HEATR5A: variants seen among roughly 807,000 people sequenced by gnomAD.
HEATR5A encodes the protein HEAT repeat containing 5A.
In HEATR5A, 178 loss-of-function variants were observed where a neutral mutation model predicts 218.8. That is an observed-to-expected ratio of 0.81 (90% CI 0.72 to 0.92). The LOEUF (loss-of-function observed/expected upper bound fraction) is 0.92. HEATR5A is among the 40% of genes least tolerant of loss of function. The pLI, the probability that HEATR5A is intolerant of heterozygous loss-of-function variation, is 0.00. For missense variants in HEATR5A, 2,420 were observed against 2,418.9 expected (o/e 1.00, Z -0.01); for synonymous variants, 864 against 871.6 (o/e 0.99, Z 0.15).
chr14:31,293,709 G>A, intron 35 of HEATR5A, 97 bp from the exon 36 acceptor site: 1 of 1,230,394 alleles, frequency 8.1e-7, no homozygotes, highest in Non-Finnish European at 1.1e-6. Flanking sequence ...CCCCACTAAA[G>A]AAAACAATTC....
intron 29 of HEATR5A, 129 bp downstream of exon 29, chr14:31,308,805 A>T: frequency 1.4e-6 from 1 of 690,454 alleles, no homozygotes; most frequent in East Asian, 2.8e-5. Context: ...TCAGTTGACA[A>T]TAATTGTGAG....
chr14:31,390,709 G>A (rs1054055578), intron 6 of HEATR5A, among the ~76,000 whole-genome samples: 2 of 152,032 alleles, frequency 1.3e-5, no homozygotes, highest in Non-Finnish European at 1.5e-5. Flanking sequence ...TGATGTTCAC[G>A]TAAACAACCC....
chr14:31,314,826 A>G (rs1327694438), intron 27 of HEATR5A, among the ~76,000 whole-genome samples: 1 of 152,186 alleles, frequency 6.6e-6, no homozygotes, highest in Non-Finnish European at 1.5e-5. Context: ...CCTTTTGTAC[A>G]TGTTGGTTAA....
intron 22 of HEATR5A, among the ~76,000 whole-genome samples, chr14:31,332,985 CAAAA>C: frequency 7.8e-6 from 1 of 128,490 alleles, no homozygotes; most frequent in Non-Finnish European, 1.6e-5. Flanking sequence ...GACTCCATCT[CAAAA>C]AAAAAAAAAA....
chr14:31,371,914 A>G lies in HEATR5A; in HGVS notation c.1862-5T>C. The G allele has an allele frequency of 6.9e-7, 1 of 1,452,986 alleles. No homozygotes were observed. Among genetic ancestry groups the G allele is most frequent in the Middle Eastern group, 1.7e-4 (1 of 5,760 alleles). The allele number at this position is 1,452,986 out of a possible 1,614,324, so 90.0% of individuals were successfully genotyped here. ...GGGAAACAAAGCTCTTGATAGCTGA[A>G]AAGGAAAACAGACTTTTACTTGGGC... On this transcript the variant is annotated splice_polypyrimidine_tract_variant and splice_region_variant and intron_variant, in intron 12 of 35. Transcript: ENST00000543095.
At position 31,306,735 on chromosome 14, in the gene HEATR5A, C is replaced by T. The variant is rs755937244; in HGVS notation, c.4963G>A (p.Glu1655Lys). ...GGCATTAAAGGTTAACATTTACCTTCTGCACTTCGTCTTTTTTCCTTCACA... is the reference window on the plus strand; with the variant it reads ...GGCATTAAAGGTTAACATTTACCTTTTGCACTTCGTCTTTTTTCCTTCACA... Reference protein sequence around the residue: ...EHVKEKRRSAEVDDGAAEKET... With the variant: ...EHVKEKRRSAKVDDGAAEKET... Residue 1655 changes from glutamate (E) to lysine (K), a missense_variant, in exon 31 of 36, where the codon GAA becomes AAA. Glu to Lys is a moderately conservative substitution (Grantham distance 56). Coordinates refer to ENST00000543095, the MANE Select transcript of HEATR5A (RefSeq NM_015473.4). 7 of 1,608,622 alleles carry T rather than the reference C, an allele frequency of 4.4e-6. No homozygotes were observed. The Admixed American group carries it at 1.2e-4, about 27-fold the overall frequency.
At position 31,309,122 on chromosome 14, in the gene HEATR5A, C is replaced by A. The variant is rs767866311; in HGVS notation, c.4502G>T (p.Trp1501Leu). The change falls in exon 29 of 36, where the codon TGG (tryptophan) becomes TTG (leucine). Residue 1501 changes from tryptophan to leucine, a missense_variant. Transcript: ENST00000543095. ...ENAKLHYYNS[W>L]ALILHATALW... ...TGCTGTAGCATGGAGGATAAGTGCCCAGGAGTTGTAATAATGCAATTTTGC... is the reference window on the plus strand; with the variant it reads ...TGCTGTAGCATGGAGGATAAGTGCCAAGGAGTTGTAATAATGCAATTTTGC... 2 of 1,613,926 alleles carry A rather than the reference C, an allele frequency of 1.2e-6. No individual in the cohort carries two copies. Among genetic ancestry groups the A allele is most frequent in the Non-Finnish European group, 1.7e-6 (2 of 1,179,866 alleles).
At chr14:31,298,460 AATTATT>A (rs1238338077) in intron 33 of HEATR5A, among the ~76,000 whole-genome samples, 1 of 151,972 alleles carries the variant, frequency 6.6e-6, no homozygotes, top group Non-Finnish European at 1.5e-5. Flanking sequence ...CCTCAACATG[AATTATT>A]ATTATTATTT....
chr14:31,402,402 G>A (rs2030910250), intron 2 of HEATR5A, among the ~76,000 whole-genome samples: 1 of 152,154 alleles, frequency 6.6e-6, no homozygotes, highest in Non-Finnish European at 1.5e-5. Flanking sequence ...TCACACTCAT[G>A]TCATAAGCTT....
chr14:31,409,926 G>C, intron 1 of HEATR5A, among the ~76,000 whole-genome samples: 1 of 152,136 alleles, frequency 6.6e-6, no homozygotes, highest in African/African-American at 2.4e-5. Context: ...TTTATTGGGA[G>C]AAAAAAGTAT....
Position 31,292,008 on chromosome 14 carries a change from C to T in HEATR5A, c.*1297G>A, listed in dbSNP as rs568050291. ...TTAAGAGGGAAATGCTCTGTTTTGA[C>T]ACAGTGCTTGATTCACACAGTATAA... is the stretch of plus-strand genomic sequence containing the variant. On this transcript the variant is annotated 3_prime_UTR_variant, in exon 36 of 36. Coordinates refer to ENST00000543095, the MANE Select transcript of HEATR5A (RefSeq NM_015473.4). 2 of 151,990 alleles carry T rather than the reference C, an allele frequency of 1.3e-5. No individual in the cohort carries two copies. Among genetic ancestry groups the T allele is most frequent in the African/African-American group, 4.8e-5 (2 of 41,568 alleles). The allele number at this position is 151,990 out of a possible 1,614,324, so 9.4% of individuals were successfully genotyped here.
At chr14:31,394,893 C>G (rs887556395) in intron 5 of HEATR5A, among the ~76,000 whole-genome samples, 8 of 152,110 alleles carry the variant, frequency 5.3e-5, no homozygotes, top group African/African-American at 1.9e-4. Flanking sequence ...AACAAAAAAT[C>G]ACTTTGAAAC....
chr14:31,299,847 A>G (rs1448840092), intron 33 of HEATR5A, among the ~76,000 whole-genome samples: 4 of 151,238 alleles, frequency 2.6e-5, no homozygotes, highest in Non-Finnish European at 4.4e-5. Flanking sequence ...CCTGACCAAC[A>G]TGGTGAAACC....
chr14:31,371,977 G>A, intron 12 of HEATR5A, 68 bp from the exon 13 acceptor site: 1 of 677,826 alleles, frequency 1.5e-6, no homozygotes, highest in Non-Finnish European at 2.5e-6. Context: ...TTTGATTATG[G>A]TACAACATTA....
At chr14:31,321,245 G>A (rs940469877) in intron 25 of HEATR5A, among the ~76,000 whole-genome samples, 7 of 151,710 alleles carry the variant, frequency 4.6e-5, no homozygotes, top group South Asian at 2.1e-4. Flanking sequence ...TGCAACCTCC[G>A]TCTCCCAGGC....
At chr14:31,369,438 T>C (rs2139250122) in intron 13 of HEATR5A, among the ~76,000 whole-genome samples, 1 of 149,398 alleles carries the variant, frequency 6.7e-6, no homozygotes, top group East Asian at 2.0e-4. Flanking sequence ...CATGGCAAAA[T>C]CCTGTCTCTA....
At chr14:31,303,490 TAAG>T (rs1189362137) in intron 32 of HEATR5A, among the ~76,000 whole-genome samples, 9 of 152,146 alleles carry the variant, frequency 5.9e-5, no homozygotes, top group Admixed American at 1.3e-4. Context: ...GTTTACCAAT[TAAG>T]AAGCATCTAC....
chr14:31,380,538 G>T lies in HEATR5A; in HGVS notation c.1637C>A (p.Ala546Asp). 1 of 1,606,544 alleles carries T rather than the reference G, an allele frequency of 6.2e-7. No individual in the cohort carries two copies. Among genetic ancestry groups the T allele is most frequent in the Non-Finnish European group, 8.5e-7 (1 of 1,176,362 alleles). ...CTGAGCTGAAAGGCGACTGTTTTGA[G>T]CAGCAGAACACAGCAAATCCTCTGC... is the stretch of plus-strand genomic sequence containing the variant. ...TLAEDLLCSA[A>D]QNSRLSAQRT... Residue 546 changes from alanine (A) to aspartate (D), a missense_variant, in exon 11 of 36, where the codon GCT becomes GAT. Transcript: ENST00000543095.
At chr14:31,338,777 A>C (rs981353299) in intron 21 of HEATR5A, among the ~76,000 whole-genome samples, 2 of 152,150 alleles carry the variant, frequency 1.3e-5, no homozygotes, top group Non-Finnish European at 2.9e-5. Flanking sequence ...GCAGAGGCTA[A>C]ATTTTGGGAG....
Sources: gnomAD v4.1 joint callset for allele counts (sites outside exome capture counted in the v4.1 genomes callset) on GRCh38, gnomAD v4.1.1 for gene constraint, MANE v1.5 for transcripts, NCBI Gene and HGNC (gene_info 2026-07-23, HGNC 2026-07-21) for gene names.